The following ZNF518A variants were observed in gnomAD, a reference collection of about 807,000 sequenced individuals.
ZNF518A encodes the protein zinc finger protein 518A, also known as zinc finger protein 518.
Under a neutral mutation model 102.7 loss-of-function variants are expected in ZNF518A, and 47 were observed. That is an observed-to-expected ratio of 0.46 (90% CI 0.36 to 0.58). The LOEUF is 0.58. Among genes scored for constraint, ZNF518A ranks in the 20% least tolerant of loss-of-function variants. ZNF518A has a pLI of 0.00. For synonymous variants in ZNF518A, 652 were observed against 594.6 expected (o/e 1.10, Z -1.40); for missense variants, 1,793 against 1,699.8 (o/e 1.05, Z -0.96).
Position 96,200,607 on chromosome 10 carries a change from C to A in ZNF518A, n.36-2967C>A, listed in dbSNP as rs2083606012. ...TTGTATGGAAACTTAGAAAGACTTGCCCAAGGGCACACAGAGTCCTTTCTC... is the reference window on the plus strand; with the variant it reads ...TTGTATGGAAACTTAGAAAGACTTGACCAAGGGCACACAGAGTCCTTTCTC... On this transcript the variant is annotated intron_variant and non_coding_transcript_variant, in intron 1 of 2. Transcript: ENST00000442635. The surrounding 1 kb of genome is among the most constrained non-coding windows in gnomAD (Gnocchi z 4.3). Among the ~76,000 whole-genome samples the A allele has an allele frequency of 6.6e-6, 1 of 152,222 alleles. No individual in the cohort carries two copies. The highest frequency in any genetic ancestry group is 1.5e-5 in the Non-Finnish European group (1 of 68,032).
chr10:96,172,554 G>C (rs1554890989), intron 1 of ZNF518A, among the ~76,000 whole-genome samples: 1 of 151,986 alleles, frequency 6.6e-6, no homozygotes, highest in African/African-American at 2.4e-5. Flanking sequence ...ACAATAAGGT[G>C]GGGGAGGGAA....
intron 1 of ZNF518A, chr10:96,199,431 T>C (rs1224133217): frequency 4.7e-6 from 2 of 424,532 alleles, no homozygotes; most frequent in Non-Finnish European, 9.5e-6. Flanking sequence ...AGCCTGTCAC[T>C]GTTCACTCCT....
intron 1 of ZNF518A, chr10:96,190,369 A>T: frequency 3.9e-6 from 2 of 510,834 alleles, no homozygotes; most frequent in Admixed American, 6.3e-5. Flanking sequence ...CTGCATCCAA[A>T]TTTCCTAATT....
chr10:96,138,685 G>T (rs587734942), intron 3 of ZNF518A, among the ~76,000 whole-genome samples: 1 of 152,276 alleles, frequency 6.6e-6, no homozygotes, highest in African/African-American at 2.4e-5. Context: ...TCCGTGAGGG[G>T]AGGGATTTTT....
chr10:96,151,390 T>C (rs2082444031), intron 3 of ZNF518A: 2 of 152,246 alleles, frequency 1.3e-5, no homozygotes, highest in South Asian at 4.1e-4. Flanking sequence ...TCAGAAATAA[T>C]GTCCTCTTTG....
chr10:96,162,559 A>G lies in ZNF518A; in HGVS notation c.*1785A>G, dbSNP rs2083039152. 1.8e-5 allele frequency: 3 copies of G among 167,028 alleles called. No homozygotes were observed. In the South Asian group the frequency reaches 6.2e-4, roughly 35 times the overall value. The allele number at this position is 167,028 out of a possible 1,614,324, so 10.3% of individuals were successfully genotyped here. On this transcript the variant is annotated 3_prime_UTR_variant, in exon 6 of 6. Transcript: ENST00000316045. ...TTTTGTGCAGTTTGTCTACTTTCTT[A>G]GTGAAGTATTTTTTGTATAAAATGT...
chr10:96,159,221 C>G lies in ZNF518A; in HGVS notation c.2899C>G (p.Pro967Ala). The G allele has an allele frequency of 1.2e-6, 2 of 1,613,644 alleles. No homozygotes were observed. Among genetic ancestry groups the G allele is most frequent in the South Asian group, 2.2e-5 (2 of 91,052 alleles). ...TCCATTGGTTAATTCACAAGGTATC[C>G]CTGCTTCTCTTTTTGTAAACAAGAA... ...ALPLVNSQGI[P>A]ASLFVNKKPG... Residue 967 changes from proline to alanine, a missense_variant, in exon 6 of 6, where the codon CCT becomes GCT. Coordinates refer to ENST00000316045, the MANE Select transcript of ZNF518A (RefSeq NM_001330736.2).
At chr10:96,182,197 T>C (rs2083244341) in intron 1 of ZNF518A, among the ~76,000 whole-genome samples, 1 of 152,238 alleles carries the variant, frequency 6.6e-6, no homozygotes, top group Non-Finnish European at 1.5e-5. Context: ...GAGACATTGC[T>C]GAAGTTGCTT....
chr10:96,151,050 G>T (rs181584216), intron 3 of ZNF518A, among the ~76,000 whole-genome samples: 1 of 152,184 alleles, frequency 6.6e-6, no homozygotes, highest in East Asian at 1.9e-4. Context: ...AGCACTCCCA[G>T]CCTTACTGCA....
chr10:96,186,863 A>G (rs587712678), intron 1 of ZNF518A, among the ~76,000 whole-genome samples: 53 of 152,340 alleles, frequency 3.5e-4, no homozygotes, highest in African/African-American at 1.3e-3. Flanking sequence ...TGGAGGAGTT[A>G]CTTTTAGGGT....
At position 96,158,674 on chromosome 10, in the gene ZNF518A, C is replaced by A. The variant is rs782678613; in HGVS notation, c.2352C>A (p.Asn784Lys). ...QASEFLPPEV[N>K]QLLQDVLKIK... ...CAGAATTTCTGCCACCTGAAGTAAA[C>A]CAATTGCTTCAGGATGTATTGAAAA... The change falls in exon 6 of 6, where the codon AAC becomes AAA. Residue 784 changes from asparagine to lysine, a missense_variant. Asn to Lys is a moderately conservative substitution (Grantham distance 94). Transcript: ENST00000316045. 1.2e-6 allele frequency: 2 copies of A among 1,613,088 alleles called. No individual in the cohort carries two copies. Among genetic ancestry groups the A allele is most frequent in the African/African-American group, 2.7e-5 (2 of 74,880 alleles).
Position 96,159,150 on chromosome 10 carries a change from A to T in ZNF518A, c.2828A>T (p.Asn943Ile). 1 of 1,613,614 alleles carries T rather than the reference A, an allele frequency of 6.2e-7. No homozygotes were observed. The change falls in exon 6 of 6, where the codon AAC (asparagine) becomes ATC (isoleucine). Residue 943 changes from asparagine (N) to isoleucine (I), a missense_variant. By Grantham distance (149) the Asn-to-Ile change is moderately radical (BLOSUM62 -3). Around this residue, in one of 3 missense-constraint regions of ZNF518A, gnomAD observed 1,741 missense variants for 1,622.6 expected, o/e 1.07. Coordinates refer to ENST00000316045, the MANE Select transcript of ZNF518A (RefSeq NM_001330736.2). Reference protein sequence around the residue: ...QTSKGFLIPLNITNKPGLPVI... With the variant: ...QTSKGFLIPLIITNKPGLPVI... ...TCAAAAGGATTCTTAATACCATTGA[A>T]CATTACTAACAAGCCTGGGCTACCA...
In ZNF518A at chr10:96,157,933, G is replaced by A. The variant is rs1444098727; in HGVS notation, c.1611G>A (p.Arg537=). The change falls in exon 6 of 6, where the codon AGG becomes AGA. Residue 537 remains arginine (R), a synonymous_variant. Transcript: ENST00000316045. ...SEKEMTLISQ[R]NNMLQTMDYE... Reference sequence around the variant, plus strand: ...AAGAAATGACTTTGATATCTCAAAGGAATAATATGCTTCAAACAATGGATT... The same window carrying A: ...AAGAAATGACTTTGATATCTCAAAGAAATAATATGCTTCAAACAATGGATT... 6.2e-7 allele frequency: 1 copy of A among 1,613,746 alleles called. No individual in the cohort carries two copies. The highest frequency in any genetic ancestry group is 8.5e-7 in the Non-Finnish European group (1 of 1,179,724).
At chr10:96,184,797 G>A (rs587608345) in intron 1 of ZNF518A, among the ~76,000 whole-genome samples, 27 of 152,218 alleles carry the variant, frequency 1.8e-4, no homozygotes, top group Admixed American at 1.8e-3. Context: ...TGCTCTTCTT[G>A]AGGAGTATCT....
At chr10:96,167,801 C>G (rs1003488828), downstream of ZNF518A, among the ~76,000 whole-genome samples, 1 of 152,076 alleles carries the variant, frequency 6.6e-6, no homozygotes, top group African/African-American at 2.4e-5. Context: ...GTAAAACTTA[C>G]AAAAAATGTA....
chr10:96,145,019 A>G (rs2082104628), intron 3 of ZNF518A, among the ~76,000 whole-genome samples: 1 of 152,072 alleles, frequency 6.6e-6, no homozygotes, highest in African/African-American at 2.4e-5. Flanking sequence ...ATCAGGAAAC[A>G]TATTAGTTGA....
chr10:96,199,703 G>C (rs1246313321), intron 1 of ZNF518A, among the ~76,000 whole-genome samples: 6 of 152,150 alleles, frequency 3.9e-5, no homozygotes, highest in Non-Finnish European at 8.8e-5. Flanking sequence ...TACAGGCTGA[G>C]GGCAAAACGT....
intron 3 of ZNF518A, among the ~76,000 whole-genome samples, chr10:96,154,360 CTGTT>C (rs2082594655): frequency 6.6e-6 from 1 of 152,012 alleles, no homozygotes; most frequent in Non-Finnish European, 1.5e-5. Context: ...TTCTCTTTCT[CTGTT>C]TCTTTCTTCC....
chr10:96,135,011 C>T (rs1054164616), intron 3 of ZNF518A, among the ~76,000 whole-genome samples: 44 of 152,258 alleles, frequency 2.9e-4, no homozygotes, highest in African/African-American at 8.4e-4. Flanking sequence ...GTGGGCTGTC[C>T]GTCAGTCTTA....
Sources: allele counts gnomAD v4.1 joint callset (sites outside exome capture counted in the v4.1 genomes callset), GRCh38; gene constraint gnomAD v4.1.1; regional missense constraint gnomAD v4.1.1; non-coding constraint Gnocchi (gnomAD v3.1); transcripts MANE v1.5; gene names NCBI Gene and HGNC (gene_info 2026-07-23, HGNC 2026-07-21).